Variants in ESRRG observed in about 807,000 individuals in gnomAD.
ESRRG encodes estrogen-related receptor gamma.
In ESRRG, 13 loss-of-function variants were observed where a neutral mutation model predicts 44.0. The observed-to-expected ratio is 0.30, with a 90% confidence interval of 0.19 to 0.47. The LOEUF (loss-of-function observed/expected upper bound fraction) is 0.47, where lower values mean the gene tolerates loss of function less well. ESRRG is among the 20% of genes least tolerant of loss of function. ESRRG has a pLI of 1.00. For synonymous variants in ESRRG, 215 were observed against 214.6 expected (o/e 1.00, Z -0.02); for missense variants, 395 against 580.6 (o/e 0.68, Z 3.29).
chr1:216,588,529 T>C (rs1206791942), intron 3 of ESRRG, among the ~76,000 whole-genome samples: 2 of 152,162 alleles, frequency 1.3e-5, no homozygotes, highest in East Asian at 3.8e-4. Context: ...TGGAATAAAA[T>C]CAGTTATTAC....
intron 2 of ESRRG, among the ~76,000 whole-genome samples, chr1:216,878,471 CT>C (rs1195862950): frequency 6.6e-6 from 1 of 152,066 alleles, no homozygotes; most frequent in African/African-American, 2.4e-5. Flanking sequence ...TAAAAAACTC[CT>C]TTTCCATTTG....
At chr1:216,856,764 A>G (rs931127131) in intron 2 of ESRRG, among the ~76,000 whole-genome samples, 3 of 152,174 alleles carry the variant, frequency 2.0e-5, no homozygotes, top group African/African-American at 4.8e-5. Context: ...CTATTTTCCA[A>G]CTGCAAAGAG....
intron 2 of ESRRG, among the ~76,000 whole-genome samples, chr1:216,791,679 G>A (rs957114922): frequency 1.3e-5 from 2 of 152,094 alleles, no homozygotes; most frequent in African/African-American, 2.4e-5. Flanking sequence ...TTATAAGTAA[G>A]AACATTTTTT....
At chr1:216,858,175 C>A (rs1309088256) in intron 2 of ESRRG, among the ~76,000 whole-genome samples, 1 of 150,982 alleles carries the variant, frequency 6.6e-6, no homozygotes, top group Non-Finnish European at 1.5e-5. Context: ...CAGTGGCTCA[C>A]GCCTGTAATC....
Position 216,710,536 on chromosome 1 carries a change from T to C in ESRRG, c.56+12708A>G, listed in dbSNP as rs531358487. Among the ~76,000 whole-genome samples the C allele has an allele frequency of 3.5e-3, 527 of 152,358 alleles. 1 individual carries two copies. Among genetic ancestry groups the C allele is most frequent in the Non-Finnish European group, 6.0e-3 (409 of 68,042 alleles). Reference sequence around the variant, plus strand: ...TTTTTATGTCTTTTGGTAAAATTGATGCAAATAGTTTTTAAAAATGCTGTT... The same window carrying C: ...TTTTTATGTCTTTTGGTAAAATTGACGCAAATAGTTTTTAAAAATGCTGTT... On this transcript the variant is annotated intron_variant, in intron 1 of 6. Transcript: ENST00000408911.
chr1:216,600,518 T>C (rs993309904), intron 3 of ESRRG, among the ~76,000 whole-genome samples: 2 of 152,210 alleles, frequency 1.3e-5, no homozygotes, highest in African/African-American at 4.8e-5. Context: ...GTTTTTGTTT[T>C]GTTTTGTTTT....
At chr1:216,699,557 A>G (rs1467991723) in intron 1 of ESRRG, among the ~76,000 whole-genome samples, 2 of 152,202 alleles carry the variant, frequency 1.3e-5, no homozygotes, top group South Asian at 2.1e-4. Flanking sequence ...TGGAAGAATG[A>G]TAAGTGGCTC....
intron 2 of ESRRG, among the ~76,000 whole-genome samples, chr1:216,754,213 C>A (rs953737730): frequency 6.6e-6 from 1 of 152,022 alleles, no homozygotes; most frequent in Non-Finnish European, 1.5e-5. Context: ...TGAATGTGAC[C>A]TTGACCCAGC....
intron 2 of ESRRG, among the ~76,000 whole-genome samples, chr1:216,856,309 T>G (rs748449191): frequency 6.6e-6 from 1 of 151,618 alleles, no homozygotes; most frequent in Non-Finnish European, 1.5e-5. Flanking sequence ...ATATAGATAT[T>G]ACCAGTTGCT....
chr1:216,875,999 C>T (rs1053533570), intron 2 of ESRRG, among the ~76,000 whole-genome samples: 17 of 152,130 alleles, frequency 1.1e-4, no homozygotes, highest in Non-Finnish European at 1.5e-5. Flanking sequence ...TGACAATGCT[C>T]CCTAGACTTT....
At chr1:216,672,178 G>A (rs11117653) in intron 2 of ESRRG, among the ~76,000 whole-genome samples, 81,531 of 151,940 alleles carry the variant, frequency 0.54, 24,330 homozygotes, top group Middle Eastern at 0.71. Flanking sequence ...AGAAAATGAC[G>A]TGAAATCACT....
intron 1 of ESRRG, among the ~76,000 whole-genome samples, chr1:216,680,991 GC>G: frequency 6.6e-6 from 1 of 151,812 alleles, no homozygotes; most frequent in Admixed American, 6.5e-5. Context: ...AAGAGAATAA[GC>G]CCAATTCCAC....
At chr1:216,768,240 T>G (rs891121767) in intron 2 of ESRRG, among the ~76,000 whole-genome samples, 3 of 152,144 alleles carry the variant, frequency 2.0e-5, no homozygotes, top group African/African-American at 7.2e-5. Context: ...GCTGCCCTGT[T>G]ATAGCATGTA....
intron 5 of ESRRG, among the ~76,000 whole-genome samples, chr1:216,538,657 C>T (rs1281145317): frequency 1.3e-5 from 2 of 152,046 alleles, no homozygotes; most frequent in Non-Finnish European, 2.9e-5. Flanking sequence ...GCTAAAACCT[C>T]TTAAATGAAC....
intron 1 of ESRRG, among the ~76,000 whole-genome samples, chr1:216,687,053 G>C (rs796288028): frequency 1.5e-5 from 2 of 131,702 alleles, no homozygotes; most frequent in East Asian, 2.3e-4. Context: ...GTGTCTGTGT[G>C]TGTGTGTGTG....
rs534025707 is a variant in ESRRG, at chr1:216,530,917, G to A, written c.863-11496C>T. ...CTTGTCTTACTATTACTAGTTACAA[G>A]TAAAGCAGAAAAAAAAATGAAAATC... On this transcript the variant is annotated intron_variant, in intron 5 of 6. Coordinates refer to ENST00000408911, the MANE Select transcript of ESRRG (RefSeq NM_001438.4). Among the ~76,000 whole-genome samples the A allele has an allele frequency of 3.9e-5, 6 of 151,968 alleles. No homozygotes were observed. In the South Asian group the frequency reaches 1.0e-3, roughly 26 times the overall value.
At chr1:216,749,456 T>C (rs1271161928) in intron 2 of ESRRG, among the ~76,000 whole-genome samples, 1 of 152,188 alleles carries the variant, frequency 6.6e-6, no homozygotes, top group Non-Finnish European at 1.5e-5. Flanking sequence ...ACGCTGTGTG[T>C]GGGTCCACAG....
intron 5 of ESRRG, among the ~76,000 whole-genome samples, chr1:216,553,196 T>C (rs2056806903): frequency 6.6e-6 from 1 of 152,128 alleles, no homozygotes. Context: ...TCTCTCCCTC[T>C]GCAGCCCAGG....
chr1:216,703,625 CT>C (rs1055899094), intron 1 of ESRRG, among the ~76,000 whole-genome samples: 73 of 149,268 alleles, frequency 4.9e-4, no homozygotes, highest in African/African-American at 1.6e-3. Flanking sequence ...TAGACAATGG[CT>C]TTTTTTAATG....
Sources: gnomAD v4.1 joint callset for allele counts (sites outside exome capture counted in the v4.1 genomes callset) on GRCh38, gnomAD v4.1.1 for gene constraint, MANE v1.5 for transcripts, NCBI Gene and HGNC (gene_info 2026-07-23, HGNC 2026-07-21) for gene names.